TSC2: variants seen among roughly 807,000 people sequenced by gnomAD.
The protein encoded by TSC2 is TSC complex subunit 2.
TSC2 carries 29 observed loss-of-function variants against 202.2 expected under a neutral mutation model. The ratio of observed to expected loss-of-function variants is 0.14; its 90% CI spans 0.11 to 0.20. The LOEUF is 0.20. Among genes scored for constraint, TSC2 ranks in the 10% least tolerant of loss-of-function variants. The probability of loss-of-function intolerance (pLI) is 1.00; values close to 1 mark genes in which losing one functional copy is unlikely to be tolerated. For synonymous variants in TSC2, 1,349 were observed against 1,044.0 expected (o/e 1.29, Z -5.63); for missense variants, 2,429 against 2,420.0 (o/e 1.00, Z -0.08).
intron 1 of TSC2, 67 bp downstream of exon 1, chr16:2,048,132 C>G: frequency 6.6e-7 from 1 of 1,512,520 alleles, no homozygotes. Context: ...AGGCGGACCC[C>G]GCAGTGTCCG....
intron 4 of TSC2, 113 bp from the exon 5 acceptor site, chr16:2,054,183 G>T (rs1255365549): frequency 1.9e-6 from 3 of 1,549,846 alleles, no homozygotes; most frequent in Non-Finnish European, 2.7e-6. Context: ...GCCTCTGTGG[G>T]AAGGAGAGGG....
At chr16:2,069,919 A>G (rs1282185113) in intron 16 of TSC2, among the ~76,000 whole-genome samples, 5 of 152,160 alleles carry the variant, frequency 3.3e-5, no homozygotes, top group Non-Finnish European at 1.5e-5. Flanking sequence ...GGCCTCAGTC[A>G]TTTCTTTCAA....
chr16:2,082,158 C>T (rs1162438770), intron 31 of TSC2: 2 of 594,864 alleles, frequency 3.4e-6, no homozygotes, highest in Admixed American at 3.0e-5. Flanking sequence ...GGGCCCCCAC[C>T]CCACTCGGCA....
intron 16 of TSC2, chr16:2,068,416 C>T (rs1361078879): frequency 6.6e-6 from 1 of 152,138 alleles, no homozygotes; most frequent in Non-Finnish European, 1.5e-5. Context: ...AGTGCCAGCC[C>T]CTGTGCAGGT....
At chr16:2,054,090 C>T (rs548272142) in intron 4 of TSC2, 2 of 713,940 alleles carry the variant, frequency 2.8e-6, no homozygotes, top group Non-Finnish European at 4.6e-6. Context: ...AGTTGCTCCC[C>T]ATACGCCGCT....
intron 14 of TSC2, chr16:2,064,041 C>A (rs928513329): frequency 1.6e-6 from 1 of 629,834 alleles, no homozygotes; most frequent in African/African-American, 1.8e-5. Context: ...TGTGCCCGGC[C>A]GCCCTGCGGT....
intron 21 of TSC2, 127 bp downstream of exon 21, chr16:2,073,110 C>A: frequency 6.8e-7 from 1 of 1,462,066 alleles, no homozygotes; most frequent in Non-Finnish European, 9.3e-7. Flanking sequence ...GTTGGCTCTG[C>A]TTCCCTGGGT....
chr16:2,081,514 C>T (rs1596398939), intron 30 of TSC2, 81 bp from the exon 31 acceptor site: 1 of 1,584,866 alleles, frequency 6.3e-7, no homozygotes, highest in East Asian at 2.2e-5. Flanking sequence ...AACCAGGGCC[C>T]AGGCCAGGAG....
intron 19 of TSC2, 125 bp downstream of exon 19, chr16:2,072,059 C>A: frequency 1.4e-6 from 2 of 1,475,250 alleles, no homozygotes; most frequent in African/African-American, 1.4e-5. Flanking sequence ...CAGAGCTGAG[C>A]CTTCCCCCTT....
In TSC2 at chr16:2,079,411, G is replaced by T; in HGVS notation, c.3267G>T (p.Gln1089His). 1 of 1,612,762 alleles carries T rather than the reference G, an allele frequency of 6.2e-7. No homozygotes were observed. The highest frequency in any genetic ancestry group is 8.5e-7 in the Non-Finnish European group (1 of 1,180,008). Residue 1089 changes from glutamine to histidine, a missense_variant, in exon 28 of 42, where the codon CAG becomes CAT. Transcript: ENST00000219476. This position sits in a 1 kb window ranked among gnomAD's most constrained non-coding sequence, Gnocchi z 4.6. ...SLLGLDSGELQSGPESSSSPG... is the reference protein window; with the variant it reads ...SLLGLDSGELHSGPESSSSPG... ...TAGGCCTGGACTCGGGGGAGCTGCAGTCCGGCCCGGAGTCGAGGTGACTGC... is the reference window on the plus strand; with the variant it reads ...TAGGCCTGGACTCGGGGGAGCTGCATTCCGGCCCGGAGTCGAGGTGACTGC...
chr16:2,087,909 A>C lies in TSC2; in HGVS notation c.5036A>C (p.Glu1679Ala), dbSNP rs1389903110. ...GTGATCGTCACCCCGCTGGACTACGAGTGCAACCTGGTGTCCCTGCAGTGC... is the reference window on the plus strand; with the variant it reads ...GTGATCGTCACCCCGCTGGACTACGCGTGCAACCTGGTGTCCCTGCAGTGC... ...VHVIVTPLDY[E>A]CNLVSLQCRK... Residue 1679 changes from glutamate to alanine, a missense_variant, in exon 39 of 42, where the codon GAG (glutamate) becomes GCG (alanine). Glu to Ala is a moderately radical substitution (Grantham distance 107, BLOSUM62 -1). Coordinates refer to ENST00000219476, the MANE Select transcript of TSC2 (RefSeq NM_000548.5). 2 of 1,611,536 alleles carry C rather than the reference A, an allele frequency of 1.2e-6. No individual in the cohort carries two copies. Among genetic ancestry groups the C allele is most frequent in the Non-Finnish European group, 1.7e-6 (2 of 1,179,736 alleles).
At chr16:2,071,282 C>T in intron 17 of TSC2, 1 of 607,206 alleles carries the variant, frequency 1.6e-6, no homozygotes, top group South Asian at 1.8e-5. Flanking sequence ...GTGGGGACAC[C>T]AGGCTCTGTG....
At position 2,077,661 on chromosome 16, in the gene TSC2, G is replaced by T. The variant is rs1168031047; in HGVS notation, c.2901G>T (p.Lys967Asn). Residue 967 changes from lysine (K) to asparagine (N), a missense_variant, in exon 26 of 42, where the codon AAG (lysine) becomes AAT (asparagine). Physicochemically the swap from Lys to Asn is moderately conservative, Grantham distance 94. Coordinates refer to ENST00000219476, the MANE Select transcript of TSC2 (RefSeq NM_000548.5). ...ACTCTCCACCCGTGAAAGAATTCAA[G>T]GAGAGCTCTGCAGCCGAGGCCTTCC... is the stretch of plus-strand genomic sequence containing the variant. ...LNNSPPVKEF[K>N]ESSAAEAFRC... 1.9e-6 allele frequency: 3 copies of T among 1,613,002 alleles called. No homozygotes were observed. The highest frequency in any genetic ancestry group is 1.7e-6 in the Non-Finnish European group (2 of 1,180,040).
At chr16:2,057,061 A>G in intron 8 of TSC2, 44 bp from the exon 9 acceptor site, 1 of 1,547,676 alleles carries the variant, frequency 6.5e-7, no homozygotes, top group East Asian at 2.4e-5. Context: ...GGCTGGGGGC[A>G]GGGCTTATGC....
chr16:2,056,814 G>T, intron 8 of TSC2, 45 bp downstream of exon 8: 1 of 1,601,518 alleles, frequency 6.2e-7, no homozygotes, highest in Non-Finnish European at 8.5e-7. Flanking sequence ...AGAGCACATG[G>T]ATGGGACAAG....
In TSC2 at chr16:2,055,179, G is replaced by T; in HGVS notation, c.482-223G>T. ...CGCCTCGGCACAGACCCTCTGTGCAGCCCCAGGGGCGGTAGATCCTAGTGT... is the reference window on the plus strand; with the variant it reads ...CGCCTCGGCACAGACCCTCTGTGCATCCCCAGGGGCGGTAGATCCTAGTGT... On this transcript the variant is annotated intron_variant, in intron 5 of 41. Transcript: ENST00000219476. 3 of 626,240 alleles carry T rather than the reference G, an allele frequency of 4.8e-6. No individual in the cohort carries two copies. The Admixed American group carries it at 6.7e-5, about 14-fold the overall frequency. The allele number at this position is 626,240 out of a possible 1,614,324, so 38.8% of individuals were successfully genotyped here. A position where few individuals can be genotyped will look rare whatever the true frequency, so the allele number is the denominator to read the frequency against.
At chr16:2,080,575 C>T in intron 30 of TSC2, 198 bp downstream of exon 30, 1 of 652,074 alleles carries the variant, frequency 1.5e-6, no homozygotes, top group African/African-American at 1.8e-5. Context: ...GCTCCACCTC[C>T]CGGGTTCACG....
intron 17 of TSC2, 126 bp downstream of exon 17, chr16:2,070,704 T>C: frequency 6.7e-7 from 1 of 1,487,298 alleles, no homozygotes; most frequent in Non-Finnish European, 9.0e-7. Context: ...CCGTCCCTCC[T>C]CTGCACCCAC....
chr16:2,071,103 G>A (rs923420399), intron 17 of TSC2, among the ~76,000 whole-genome samples: 1 of 152,240 alleles, frequency 6.6e-6, no homozygotes, highest in Non-Finnish European at 1.5e-5. Context: ...TCCTAGAGCA[G>A]GTGCTCTCTG....
Sources: allele counts gnomAD v4.1 joint callset (sites outside exome capture counted in the v4.1 genomes callset), GRCh38; gene constraint gnomAD v4.1.1; non-coding constraint Gnocchi (gnomAD v3.1); transcripts MANE v1.5; gene names NCBI Gene and HGNC (gene_info 2026-07-23, HGNC 2026-07-21).